TRIO: variants seen among roughly 807,000 people sequenced by gnomAD.
TRIO encodes the protein trio Rho guanine nucleotide exchange factor.
Under a neutral mutation model 351.9 loss-of-function variants are expected in TRIO, and 58 were observed. The ratio of observed to expected loss-of-function variants is 0.16; its 90% confidence interval spans 0.13 to 0.21. The LOEUF (loss-of-function observed/expected upper bound fraction) is 0.21, where lower values mean the gene tolerates loss of function less well. TRIO is among the 10% of genes least tolerant of loss of function. TRIO has a pLI of 1.00. For synonymous variants in TRIO, 1,758 were observed against 1,595.7 expected (o/e 1.10, Z -2.42); for missense variants, 3,201 against 4,027.8 (o/e 0.79, Z 5.56).
At chr5:14,179,830 G>T (rs544047817) in intron 1 of TRIO, among the ~76,000 whole-genome samples, 1 of 152,210 alleles carries the variant, frequency 6.6e-6, no homozygotes, top group East Asian at 1.9e-4. Flanking sequence ...GGTGGCTCAG[G>T]TGTGTAATCC....
At chr5:14,307,596 T>A (rs1738490138) in intron 8 of TRIO, among the ~76,000 whole-genome samples, 1 of 152,222 alleles carries the variant, frequency 6.6e-6, no homozygotes, top group Admixed American at 6.5e-5. Context: ...CGGCTATGAG[T>A]AGTGTTCATC....
chr5:14,488,995 G>T, intron 48 of TRIO: 2 of 765,094 alleles, frequency 2.6e-6, no homozygotes, highest in East Asian at 4.8e-5. Flanking sequence ...TCTGTTTCCT[G>T]CTTCCTCACT....
At chr5:14,289,310 G>A (rs1037477119) in intron 4 of TRIO, among the ~76,000 whole-genome samples, 1 of 152,004 alleles carries the variant, frequency 6.6e-6, no homozygotes, top group Non-Finnish European at 1.5e-5. Context: ...ACTTGAAATC[G>A]GAAGGTGTAG....
intron 1 of TRIO, among the ~76,000 whole-genome samples, chr5:14,255,548 C>T (rs1794978669): frequency 6.6e-6 from 1 of 152,280 alleles, no homozygotes; most frequent in Middle Eastern, 3.4e-3. Context: ...ACAGTTCCAG[C>T]GTCCCTCCTC....
intron 6 of TRIO, among the ~76,000 whole-genome samples, chr5:14,296,335 G>A (rs377216447): frequency 6.6e-6 from 1 of 152,338 alleles, no homozygotes. Flanking sequence ...CACACCCTGC[G>A]ATACTGAGCC....
intron 35 of TRIO, 42 bp downstream of exon 35, chr5:14,461,353 C>T (rs950089431): frequency 3.4e-6 from 5 of 1,466,472 alleles, no homozygotes; most frequent in Non-Finnish European, 4.5e-6. Context: ...TGGCGGGGCC[C>T]GCTGGGCTTT....
intron 37 of TRIO, among the ~76,000 whole-genome samples, chr5:14,466,866 C>G (rs906843241): frequency 6.6e-6 from 1 of 152,194 alleles, no homozygotes; most frequent in Non-Finnish European, 1.5e-5. Context: ...TACCTCTTTC[C>G]TTTATTTAAT....
At chr5:14,363,001 C>CTTTTT (rs34314596) in intron 13 of TRIO, among the ~76,000 whole-genome samples, 1 of 136,084 alleles carries the variant, frequency 7.3e-6, no homozygotes, top group African/African-American at 2.7e-5. Context: ...TTTCTATCTA[C>CTTTTT]TTTTTTTTTT....
chr5:14,440,432 T>G (rs955311179), intron 34 of TRIO, among the ~76,000 whole-genome samples: 4 of 152,178 alleles, frequency 2.6e-5, no homozygotes, highest in Non-Finnish European at 5.9e-5. Context: ...TTGTGTGGTG[T>G]GGGACAAGGG....
chr5:14,339,998 C>T lies in TRIO; in HGVS notation c.2046+3271C>T, dbSNP rs569051696. On this transcript the variant is annotated intron_variant, in intron 11 of 56. Coordinates refer to ENST00000344204, the MANE Select transcript of TRIO (RefSeq NM_007118.4). Reference sequence around the variant, plus strand: ...TGCATAAAGTCACTAAATGTATTTGCATATCAGATGAACGAAAAATTGCTA... The same window carrying T: ...TGCATAAAGTCACTAAATGTATTTGTATATCAGATGAACGAAAAATTGCTA... Among the ~76,000 whole-genome samples, 13 of 152,300 alleles carry T rather than the reference C, an allele frequency of 8.5e-5. No individual in the cohort carries two copies. The South Asian group carries it at 2.5e-3, about 29-fold the overall frequency.
At chr5:14,197,779 C>T (rs375633799) in intron 1 of TRIO, among the ~76,000 whole-genome samples, 4 of 152,168 alleles carry the variant, frequency 2.6e-5, no homozygotes, top group South Asian at 2.1e-4. Context: ...TCTCACAGAG[C>T]GACTTGCAGA....
intron 1 of TRIO, among the ~76,000 whole-genome samples, chr5:14,161,337 GTTCCCTC>G (rs1400997374): frequency 2.0e-5 from 3 of 152,148 alleles, no homozygotes; most frequent in Non-Finnish European, 4.4e-5. Context: ...TGTGTTTGCT[GTTCCCTC>G]TTCTTCCTGG....
intron 37 of TRIO, among the ~76,000 whole-genome samples, chr5:14,471,021 T>G (rs946584278): frequency 2.0e-5 from 3 of 152,240 alleles, no homozygotes; most frequent in African/African-American, 7.2e-5. Flanking sequence ...TGCAGTACTC[T>G]GACATAAGCA....
intron 34 of TRIO, among the ~76,000 whole-genome samples, chr5:14,439,400 T>A (rs1751847741): frequency 1.3e-5 from 2 of 152,228 alleles, no homozygotes; most frequent in African/African-American, 4.8e-5. Context: ...TTAAGCTTAA[T>A]CCTCTTTTCT....
rs139932617 is a variant in TRIO, at chr5:14,239,957, G to A, written c.158-30868G>A. On this transcript the variant is annotated intron_variant, in intron 1 of 56. Coordinates refer to ENST00000344204, the MANE Select transcript of TRIO (RefSeq NM_007118.4). ...GTATTTTCTTGATTTAAAAGTATTC[G>A]TATATAATTTAGAAGTTGTTTCAGG... Among the ~76,000 whole-genome samples the A allele has an allele frequency of 9.2e-5, 14 of 152,302 alleles. No individual in the cohort carries two copies. The East Asian group carries it at 2.3e-3, about 25-fold the overall frequency.
At chr5:14,263,042 T>C (rs183059018) in intron 1 of TRIO, among the ~76,000 whole-genome samples, 1 of 152,354 alleles carries the variant, frequency 6.6e-6, no homozygotes. Flanking sequence ...GCTGGAGTGC[T>C]CTCTGTTTTC....
chr5:14,370,828 T>C (rs552597662), intron 18 of TRIO, among the ~76,000 whole-genome samples: 8 of 152,352 alleles, frequency 5.3e-5, no homozygotes, highest in African/African-American at 1.9e-4. Context: ...GTGGAATCAT[T>C]AGAATTTTCC....
intron 1 of TRIO, among the ~76,000 whole-genome samples, chr5:14,209,261 C>T (rs150143135): frequency 2.3e-3 from 344 of 152,222 alleles, no homozygotes; most frequent in African/African-American, 7.4e-3. Context: ...TACCTCATGA[C>T]GTTGTAAAGA....
chr5:14,200,087 G>T (rs186776998), intron 1 of TRIO, among the ~76,000 whole-genome samples: 10 of 152,276 alleles, frequency 6.6e-5, no homozygotes, highest in Admixed American at 5.2e-4. Context: ...TTGGGCTTCT[G>T]CCCTGCAAGA....
Sources: gnomAD v4.1 joint callset for allele counts (sites outside exome capture counted in the v4.1 genomes callset) on GRCh38, gnomAD v4.1.1 for gene constraint, MANE v1.5 for transcripts, NCBI Gene and HGNC (gene_info 2026-07-23, HGNC 2026-07-21) for gene names.